The following RAD51B variants were observed in gnomAD, a reference collection of about 807,000 sequenced individuals.
RAD51B encodes the protein DNA repair protein RAD51 homolog 2.
A neutral mutation model predicts 42.2 loss-of-function variants in RAD51B; 38 were observed. The observed-to-expected ratio is 0.90, with a 90% confidence interval of 0.70 to 1.18. The LOEUF (loss-of-function observed/expected upper bound fraction) is 1.18. RAD51B is among the 50% of genes most tolerant of loss of function. The pLI, the probability that RAD51B is intolerant of heterozygous loss-of-function variation, is 0.00. For synonymous variants in RAD51B, 154 were observed against 145.2 expected (o/e 1.06, Z -0.43); for missense variants, 373 against 400.7 (o/e 0.93, Z 0.59).
chr14:67,893,511 A>ACACAC lies in RAD51B; in HGVS notation c.756+6307_756+6308insCACAC, dbSNP rs1566945536. On this transcript the variant is annotated intron_variant, in intron 7 of 10. Coordinates refer to ENST00000471583, the MANE Select transcript of RAD51B (RefSeq NM_133510.4). ...ACACACACACACACACACACACACA[A>ACACAC]AAAAAAACAATTAGCTGGGTGTGGT... 1.2e-4 allele frequency among the ~76,000 whole-genome samples: 8 copies of ACACAC among 67,130 alleles called. No homozygotes were observed. In the East Asian group the frequency reaches 2.4e-3, roughly 21 times the overall value. The allele number at this position is 67,130 out of a possible 152,430, so 44.0% of individuals were successfully genotyped here.
intron 7 of RAD51B, among the ~76,000 whole-genome samples, chr14:68,231,646 C>T (rs1390190317): frequency 1.3e-5 from 2 of 152,162 alleles, no homozygotes; most frequent in East Asian, 3.8e-4. Context: ...TAAGAATTCT[C>T]ACAGTGAAGG....
At position 68,409,092 on chromosome 14, in the gene RAD51B, T is replaced by A. The variant is rs577115958; in HGVS notation, c.854-2332T>A. Among the ~76,000 whole-genome samples the A allele has an allele frequency of 5.1e-4, 78 of 152,328 alleles. 1 individual carries two copies. Among genetic ancestry groups the A allele is most frequent in the African/African-American group, 1.9e-3 (77 of 41,574 alleles). On this transcript the variant is annotated intron_variant, in intron 8 of 10. Coordinates refer to ENST00000471583, the MANE Select transcript of RAD51B (RefSeq NM_133510.4). Reference sequence around the variant, plus strand: ...GTTTGAAATGTTCTAAAGTTAATTGTGGTAATGGCTGAACATCTCTGTGAA... The same window carrying A: ...GTTTGAAATGTTCTAAAGTTAATTGAGGTAATGGCTGAACATCTCTGTGAA...
chr14:68,581,079 C>G lies in RAD51B; in HGVS notation c.1037-13406C>G, dbSNP rs549367612. 1.1e-4 allele frequency among the ~76,000 whole-genome samples: 17 copies of G among 152,212 alleles called. No individual in the cohort carries two copies. The East Asian group carries it at 3.1e-3, about 28-fold the overall frequency. On this transcript the variant is annotated intron_variant, in intron 10 of 10. Transcript: ENST00000487270. ...TTTTTTTAGGAGAAGGGATAGATTA[C>G]CTTTGACCAGGCTCTCAGGGTTTCT... is the stretch of plus-strand genomic sequence containing the variant.
chr14:67,908,698 G>A (rs8006175), intron 7 of RAD51B: 8,065 of 152,100 alleles, frequency 0.053, 487 homozygotes, highest in African/African-American at 0.15. Context: ...TGGTGGTAGT[G>A]GAGTGCATTT....
At chr14:68,161,607 C>G (rs2078640841) in intron 7 of RAD51B, among the ~76,000 whole-genome samples, 1 of 152,204 alleles carries the variant, frequency 6.6e-6, no homozygotes, top group Non-Finnish European at 1.5e-5. Context: ...AAAAGGGATT[C>G]TGGACAGGGA....
At position 68,411,865 on chromosome 14, in the gene RAD51B, A is replaced by G. The variant is rs17105571; in HGVS notation, c.957+338A>G. 0.27 allele frequency among the ~76,000 whole-genome samples: 41,754 copies of G among 152,170 alleles called. 6,574 individuals are homozygous for G. Among genetic ancestry groups the G allele is most frequent in the South Asian group, 0.5 (2,402 of 4,826 alleles). On this transcript the variant is annotated intron_variant, in intron 9 of 10. Transcript: ENST00000471583. The stretch of plus-strand genomic sequence containing the variant: ...TTGTATTTGTTGAGGACTAATTTGT[A>G]TATGAATTAAATAATGATGATGCTT...
Position 68,276,738 on chromosome 14 carries a change from G to A in RAD51B, c.757-15146G>A, listed in dbSNP as rs150486199. Among the ~76,000 whole-genome samples the A allele has an allele frequency of 2.9e-3, 436 of 152,268 alleles. 1 individual carries two copies. Among genetic ancestry groups the A allele is most frequent in the Non-Finnish European group, 5.0e-3 (340 of 68,024 alleles). ...CTGCTTTAGTGCAATTGGTATGTCAGCAGGGGCCTTCCCTCAAAAATACAC... is the reference window on the plus strand; with the variant it reads ...CTGCTTTAGTGCAATTGGTATGTCAACAGGGGCCTTCCCTCAAAAATACAC... On this transcript the variant is annotated intron_variant, in intron 7 of 10. Coordinates refer to ENST00000471583, the MANE Select transcript of RAD51B (RefSeq NM_133510.4).
intron 7 of RAD51B, among the ~76,000 whole-genome samples, chr14:68,180,189 T>G (rs1451119916): frequency 1.3e-5 from 2 of 152,302 alleles, no homozygotes; most frequent in Non-Finnish European, 2.9e-5. Context: ...TTTGAATGGA[T>G]TCTGAACCAT....
At chr14:68,453,508 C>G (rs2085608822) in intron 9 of RAD51B, among the ~76,000 whole-genome samples, 1 of 152,094 alleles carries the variant, frequency 6.6e-6, no homozygotes, top group Non-Finnish European at 1.5e-5. Context: ...TAGCTGAACC[C>G]CCTTTTTCAC....
chr14:68,141,829 C>T (rs568303506), intron 7 of RAD51B, among the ~76,000 whole-genome samples: 3 of 152,238 alleles, frequency 2.0e-5, no homozygotes, highest in Non-Finnish European at 2.9e-5. Context: ...ACCTGCCTAA[C>T]TCATGTTTAT....
At chr14:67,877,276 G>A (rs2042756761) in intron 5 of RAD51B, among the ~76,000 whole-genome samples, 1 of 151,952 alleles carries the variant, frequency 6.6e-6, no homozygotes, top group Non-Finnish European at 1.5e-5. Context: ...GGTAAGGAGC[G>A]GGGTATTATG....
At chr14:68,168,316 T>C (rs1449074178) in intron 7 of RAD51B, among the ~76,000 whole-genome samples, 3 of 152,154 alleles carry the variant, frequency 2.0e-5, no homozygotes, top group Non-Finnish European at 4.4e-5. Flanking sequence ...CAAACGTCTT[T>C]TATGTCTTTG....
intron 7 of RAD51B, among the ~76,000 whole-genome samples, chr14:67,926,210 A>G (rs2044501341): frequency 6.6e-6 from 1 of 152,156 alleles, no homozygotes; most frequent in African/African-American, 2.4e-5. Flanking sequence ...CTAAACTTTT[A>G]TATTCTGCTT....
intron 7 of RAD51B, among the ~76,000 whole-genome samples, chr14:68,028,836 TG>T (rs1263792351): frequency 6.6e-6 from 1 of 152,176 alleles, no homozygotes; most frequent in Non-Finnish European, 1.5e-5. Context: ...TAGAGCTTCT[TG>T]GAGGGAGATG....
chr14:68,429,780 T>C (rs1457963272), intron 9 of RAD51B, among the ~76,000 whole-genome samples: 1 of 152,248 alleles, frequency 6.6e-6, no homozygotes, highest in Non-Finnish European at 1.5e-5. Flanking sequence ...ATTTTGGCTT[T>C]TGTGGCCCTT....
At position 68,163,536 on chromosome 14, in the gene RAD51B, A is replaced by C. The variant is rs116093835; in HGVS notation, c.757-128348A>C. Reference sequence around the variant, plus strand: ...CACTTCTTTACCTAATCTCAGGAATACTCATTGCTTTTTCTATTTCTTCTA... The same window carrying C: ...CACTTCTTTACCTAATCTCAGGAATCCTCATTGCTTTTTCTATTTCTTCTA... On this transcript the variant is annotated intron_variant, in intron 7 of 10. Coordinates refer to ENST00000471583, the MANE Select transcript of RAD51B (RefSeq NM_133510.4). Among the ~76,000 whole-genome samples, 848 of 152,004 alleles carry C rather than the reference A, an allele frequency of 5.6e-3. 2 individuals carry two copies. Among genetic ancestry groups the C allele is most frequent in the African/African-American group, 0.019 (775 of 41,424 alleles).
intron 10 of RAD51B, among the ~76,000 whole-genome samples, chr14:68,490,865 G>A (rs1294337996): frequency 6.6e-6 from 1 of 152,136 alleles, no homozygotes; most frequent in Non-Finnish European, 1.5e-5. Flanking sequence ...AGAGGCCAAG[G>A]GGAGAGCGGG....
intron 8 of RAD51B, among the ~76,000 whole-genome samples, chr14:68,356,434 CAAAAAAA>C (rs55768026): frequency 2.8e-5 from 3 of 106,402 alleles, no homozygotes; most frequent in Non-Finnish European, 6.0e-5. Context: ...GACTCCGTCT[CAAAAAAA>C]AAAAAAAAAA....
chr14:68,432,640 T>G (rs1294532790), intron 9 of RAD51B, among the ~76,000 whole-genome samples: 1 of 152,228 alleles, frequency 6.6e-6, no homozygotes, highest in African/African-American at 2.4e-5. Context: ...TGAGCCTATG[T>G]GTGTCTCTGC....
Sources: allele counts gnomAD v4.1 joint callset (sites outside exome capture counted in the v4.1 genomes callset), GRCh38; gene constraint gnomAD v4.1.1; transcripts MANE v1.5; gene names NCBI Gene and HGNC (gene_info 2026-07-23, HGNC 2026-07-21).